PRKAA1: variants seen among roughly 807,000 people sequenced by gnomAD.
PRKAA1 encodes protein kinase AMP-activated catalytic subunit alpha 1, also known as 5'-AMP-activated protein kinase catalytic subunit alpha-1.
Under a neutral mutation model 56.9 loss-of-function variants are expected in PRKAA1, and 23 were observed. That is an observed-to-expected ratio of 0.40 (90% CI 0.29 to 0.57). The LOEUF is 0.57. Ranked by LOEUF, PRKAA1 falls within the 20% of genes least tolerant of loss-of-function variation. The probability of loss-of-function intolerance (pLI) is 0.39; values close to 1 mark genes in which losing one functional copy is unlikely to be tolerated. For missense variants in PRKAA1, 413 were observed against 679.7 expected (o/e 0.61, Z 4.36); for synonymous variants, 226 against 227.0 (o/e 1.00, Z 0.04).
intron 3 of PRKAA1, chr5:40,774,952 T>A (rs748803962): frequency 6.2e-7 from 1 of 1,605,502 alleles, no homozygotes; most frequent in Non-Finnish European, 8.5e-7. Flanking sequence ...CTGTTTTTAC[T>A]ACTCCAGGTA....
intron 2 of PRKAA1, 190 bp downstream of exon 2, chr5:40,777,255 C>T (rs1343135192): frequency 2.9e-5 from 14 of 475,594 alleles, no homozygotes; most frequent in African/African-American, 2.0e-4. Flanking sequence ...TCAGGTGATC[C>T]GCCTGCCTCA....
At chr5:40,786,710 G>A (rs1744500516) in intron 1 of PRKAA1, among the ~76,000 whole-genome samples, 1 of 148,336 alleles carries the variant, frequency 6.7e-6, no homozygotes, top group South Asian at 2.1e-4. Context: ...GGAGGCCGAG[G>A]CAGGCAGAGC....
At chr5:40,777,620 A>G in intron 1 of PRKAA1, 34 bp from the exon 2 acceptor site, 1 of 1,544,410 alleles carries the variant, frequency 6.5e-7, no homozygotes, top group Non-Finnish European at 8.9e-7. Flanking sequence ...ATTAGTACTA[A>G]GTATGATTAA....
intron 1 of PRKAA1, among the ~76,000 whole-genome samples, chr5:40,778,310 GA>G (rs1190223403): frequency 6.6e-6 from 1 of 152,142 alleles, no homozygotes; most frequent in African/African-American, 2.4e-5. Flanking sequence ...AGCATCCTCA[GA>G]AAATAGCTAA....
In PRKAA1 at chr5:40,761,033, A is replaced by T. The variant is rs1286390398; in HGVS notation, c.*1745T>A. 2.0e-5 allele frequency: 3 copies of T among 149,768 alleles called. No homozygotes were observed. 9.3% of individuals were successfully genotyped at this position (149,768 alleles called of 1,614,324 possible). Reference sequence around the variant, plus strand: ...GCAATTAAGAATGACAAAAAAAAATATCAGTGTAAATCAGAAATCTTAGGA... The same window carrying T: ...GCAATTAAGAATGACAAAAAAAAATTTCAGTGTAAATCAGAAATCTTAGGA... On this transcript the variant is annotated 3_prime_UTR_variant, in exon 9 of 9. Transcript: ENST00000397128.
At chr5:40,771,579 A>G in intron 4 of PRKAA1, 140 bp downstream of exon 4, 1 of 789,800 alleles carries the variant, frequency 1.3e-6, no homozygotes, top group Non-Finnish European at 1.9e-6. Flanking sequence ...GTATCTTCAT[A>G]GACAAAACAG....
chr5:40,771,996 T>G, intron 3 of PRKAA1, 133 bp from the exon 4 acceptor site: 6 of 1,123,952 alleles, frequency 5.3e-6, no homozygotes, highest in Non-Finnish European at 7.5e-6. Context: ...GAGATACTTT[T>G]GACATGAGGA....
chr5:40,796,733 G>A (rs1170235555), intron 1 of PRKAA1, among the ~76,000 whole-genome samples: 1 of 152,170 alleles, frequency 6.6e-6, no homozygotes, highest in African/African-American at 2.4e-5. Flanking sequence ...GCAAGAGAAG[G>A]AAGCGTTCTT....
At chr5:40,792,298 C>T (rs1339543027) in intron 1 of PRKAA1, among the ~76,000 whole-genome samples, 2 of 152,114 alleles carry the variant, frequency 1.3e-5, no homozygotes, top group Non-Finnish European at 2.9e-5. Context: ...CTTTTTCTTC[C>T]TTAATGTTTG....
At chr5:40,783,758 C>G (rs1185043199) in intron 1 of PRKAA1, among the ~76,000 whole-genome samples, 1 of 146,226 alleles carries the variant, frequency 6.8e-6, no homozygotes, top group Non-Finnish European at 1.5e-5. Context: ...GACTCCATCT[C>G]AAAAAAAAAA....
rs1014345440 is a variant in PRKAA1, at chr5:40,762,584, A to C, written c.*194T>G. 2 of 663,406 alleles carry C rather than the reference A, an allele frequency of 3.0e-6. No individual in the cohort carries two copies. The highest frequency in any genetic ancestry group is 3.6e-5 in the African/African-American group (2 of 54,932). 41.1% of individuals were successfully genotyped at this position (663,406 alleles called of 1,614,324 possible). ...GCTATATACATACTGCACAATGAACAACAAAATGATCTTAATTCATTTCTG... is the reference window on the plus strand; with the variant it reads ...GCTATATACATACTGCACAATGAACCACAAAATGATCTTAATTCATTTCTG... On this transcript the variant is annotated 3_prime_UTR_variant, in exon 9 of 9. Coordinates refer to ENST00000397128, the MANE Select transcript of PRKAA1 (RefSeq NM_006251.6).
At position 40,759,959 on chromosome 5, in the gene PRKAA1, A is replaced by G. The variant is rs1007266430; in HGVS notation, c.*2819T>C. On this transcript the variant is annotated 3_prime_UTR_variant, in exon 9 of 9. Transcript: ENST00000397128. The stretch of plus-strand genomic sequence containing the variant: ...TTTATTTTAATGGCAAAATTTTTAC[A>G]TATCAGTAAAATCTGTTATACTTAA... 1 of 152,772 alleles carries G rather than the reference A, an allele frequency of 6.5e-6. No individual in the cohort carries two copies. The highest frequency in any genetic ancestry group is 1.5e-5 in the Non-Finnish European group (1 of 68,038). The allele number at this position is 152,772 out of a possible 1,614,324, so 9.5% of individuals were successfully genotyped here.
In PRKAA1 at chr5:40,767,492, C is replaced by G; in HGVS notation, c.795G>C (p.Met265Ile). Reference sequence around the variant, plus strand: ...TGATATCTTTGATTGTGGCCCTCTTCATGGGATCCACCTGCAGCATATGTT... The same window carrying G: ...TGATATCTTTGATTGTGGCCCTCTTGATGGGATCCACCTGCAGCATATGTT... ...LLKHMLQVDPMKRATIKDIRE... is the reference protein window; with the variant it reads ...LLKHMLQVDPIKRATIKDIRE... Residue 265 changes from methionine to isoleucine, a missense_variant, in exon 6 of 9, where the codon ATG (methionine) becomes ATC (isoleucine). This residue lies in a region of PRKAA1 where 113 missense variants were observed against 198.6 expected (regional missense o/e 0.57). Transcript: ENST00000397128. 1 of 1,612,858 alleles carries G rather than the reference C, an allele frequency of 6.2e-7. No individual in the cohort carries two copies. The highest frequency in any genetic ancestry group is 8.5e-7 in the Non-Finnish European group (1 of 1,179,092).
intron 1 of PRKAA1, among the ~76,000 whole-genome samples, chr5:40,797,624 G>A (rs959482719): frequency 1.3e-5 from 2 of 152,198 alleles, no homozygotes; most frequent in African/African-American, 4.8e-5. Flanking sequence ...CGGAAATACC[G>A]ACAACGCCAA....
chr5:40,797,989 G>T lies in PRKAA1; in HGVS notation c.127+74C>A, dbSNP rs1454767124. On this transcript the variant is annotated intron_variant, in intron 1 of 8. Coordinates refer to ENST00000397128, the MANE Select transcript of PRKAA1 (RefSeq NM_006251.6). ...AGAAGGGACGCAGCGGGCGGGGGAG[G>T]ATGAAGAGGTGCGGAAAGCGGAAGT... The T allele has an allele frequency of 3.8e-6, 6 of 1,572,992 alleles. No individual in the cohort carries two copies. The South Asian group carries it at 5.5e-5, about 15-fold the overall frequency.
intron 1 of PRKAA1, among the ~76,000 whole-genome samples, chr5:40,787,245 C>T (rs1744529658): frequency 6.6e-6 from 1 of 152,070 alleles, no homozygotes; most frequent in Non-Finnish European, 1.5e-5. Context: ...GCGGGCATAT[C>T]ACCTGAGGTT....
At chr5:40,767,318 C>T (rs934241748) in intron 6 of PRKAA1, 148 bp downstream of exon 6, 12 of 611,482 alleles carry the variant, frequency 2.0e-5, no homozygotes, top group African/African-American at 1.7e-4. Context: ...TTTCTAATAA[C>T]AAAATAAAAT....
intron 1 of PRKAA1, among the ~76,000 whole-genome samples, chr5:40,786,190 G>C (rs1348167363): frequency 6.6e-6 from 1 of 151,676 alleles, no homozygotes; most frequent in South Asian, 2.1e-4. Context: ...AGGAGGCGGA[G>C]GTTGCAGTGA....
intron 1 of PRKAA1, among the ~76,000 whole-genome samples, chr5:40,787,214 C>G (rs915442507): frequency 2.0e-5 from 3 of 151,908 alleles, no homozygotes; most frequent in Admixed American, 6.6e-5. Context: ...ACCTGTAATC[C>G]TAGCACTTTG....
Sources: gnomAD v4.1 joint callset for allele counts (sites outside exome capture counted in the v4.1 genomes callset) on GRCh38, gnomAD v4.1.1 for gene constraint, gnomAD v4.1.1 regional missense constraint, MANE v1.5 for transcripts, NCBI Gene and HGNC (gene_info 2026-07-23, HGNC 2026-07-21) for gene names.